The following ATG5 variants were observed in gnomAD, a reference collection of about 807,000 sequenced individuals.
The protein encoded by ATG5 is autophagy protein 5.
A neutral mutation model predicts 36.5 loss-of-function variants in ATG5; 14 were observed. The observed-to-expected ratio is 0.38, with a 90% CI of 0.25 to 0.60. ATG5 has a LOEUF of 0.60. ATG5 is among the 20% of genes least tolerant of loss of function. The probability of loss-of-function intolerance (pLI) is 0.60; values close to 1 mark genes in which losing one functional copy is unlikely to be tolerated. For missense variants in ATG5, 195 were observed against 326.7 expected (o/e 0.60, Z 3.11); for synonymous variants, 95 against 101.5 (o/e 0.94, Z 0.38).
Position 106,248,078 on chromosome 6 carries a change from T to C in ATG5, c.573+72A>G. 10 of 1,177,738 alleles carry C rather than the reference T, an allele frequency of 8.5e-6. No homozygotes were observed. In the South Asian group the frequency reaches 1.0e-4, roughly 12 times the overall value. The allele number at this position is 1,177,738 out of a possible 1,614,324, so 73.0% of individuals were successfully genotyped here. On this transcript the variant is annotated intron_variant, in intron 6 of 7. Coordinates refer to ENST00000369076, the MANE Select transcript of ATG5 (RefSeq NM_004849.4). ...TAGTTACTATGCAGACAAAGAGTTCTACACTAGAGTGCTTCAATTAAGATG... is the reference window on the plus strand; with the variant it reads ...TAGTTACTATGCAGACAAAGAGTTCCACACTAGAGTGCTTCAATTAAGATG...
intron 5 of ATG5, among the ~76,000 whole-genome samples, chr6:106,262,379 T>C (rs917754025): frequency 6.6e-6 from 1 of 152,140 alleles, no homozygotes; most frequent in Non-Finnish European, 1.5e-5. Context: ...AGGGTATATT[T>C]CTAATCAGTT....
intron 5 of ATG5, among the ~76,000 whole-genome samples, chr6:106,253,844 G>A (rs1018954947): frequency 6.6e-6 from 1 of 152,124 alleles, no homozygotes; most frequent in Non-Finnish European, 1.5e-5. Context: ...GCAACCCACT[G>A]CATCTCCTTA....
intron 6 of ATG5, among the ~76,000 whole-genome samples, chr6:106,244,877 A>G (rs2114504167): frequency 6.6e-6 from 1 of 152,356 alleles, no homozygotes; most frequent in East Asian, 1.9e-4. Flanking sequence ...GCTTCTTGAA[A>G]AACAGATATG....
chr6:106,233,003 T>C (rs539027434), intron 6 of ATG5, among the ~76,000 whole-genome samples: 89 of 152,342 alleles, frequency 5.8e-4, no homozygotes, highest in African/African-American at 2.0e-3. Flanking sequence ...AGCCCAAGAC[T>C]TGAGCCGGTT....
chr6:106,269,134 A>C (rs990561293), intron 5 of ATG5, among the ~76,000 whole-genome samples: 1 of 152,208 alleles, frequency 6.6e-6, no homozygotes, highest in East Asian at 1.9e-4. Context: ...TAGATTAGCT[A>C]GATACAAAGT....
At position 106,254,409 on chromosome 6, in the gene ATG5, G is replaced by A. The variant is rs530867618; in HGVS notation, c.479-6165C>T. Among the ~76,000 whole-genome samples, 17 of 152,208 alleles carry A rather than the reference G, an allele frequency of 1.1e-4. No individual in the cohort carries two copies. In the South Asian group the frequency reaches 3.3e-3, roughly 30 times the overall value. On this transcript the variant is annotated intron_variant, in intron 5 of 7. Transcript: ENST00000369076. Reference sequence around the variant, plus strand: ...TATCTTCAGCCCTAGAAAGTTCTACGTACTTCAGCCCTAGAAAGTTAATGT... The same window carrying A: ...TATCTTCAGCCCTAGAAAGTTCTACATACTTCAGCCCTAGAAAGTTAATGT...
chr6:106,238,010 A>G (rs1311051085), intron 6 of ATG5, among the ~76,000 whole-genome samples: 1 of 152,234 alleles, frequency 6.6e-6, no homozygotes, highest in Non-Finnish European at 1.5e-5. Flanking sequence ...TACTATCATT[A>G]CAAAAAGATG....
At chr6:106,204,130 G>T (rs1776539086) in intron 6 of ATG5, among the ~76,000 whole-genome samples, 1 of 152,128 alleles carries the variant, frequency 6.6e-6, no homozygotes, top group Non-Finnish European at 1.5e-5. Context: ...TAACGTAGAT[G>T]AGGGGCTGAT....
At chr6:106,229,120 T>C (rs1777564318) in intron 6 of ATG5, among the ~76,000 whole-genome samples, 1 of 152,256 alleles carries the variant, frequency 6.6e-6, no homozygotes, top group African/African-American at 2.4e-5. Context: ...CTGAATCTAC[T>C]TCCTCTGATC....
intron 5 of ATG5, among the ~76,000 whole-genome samples, chr6:106,253,396 T>C (rs752568191): frequency 2.0e-5 from 3 of 152,184 alleles, no homozygotes; most frequent in Non-Finnish European, 2.9e-5. Flanking sequence ...AGAAGGTTTC[T>C]ACCCAGGGAA....
chr6:106,278,022 G>A (rs749857548), intron 5 of ATG5, among the ~76,000 whole-genome samples: 10 of 152,024 alleles, frequency 6.6e-5, no homozygotes, highest in African/African-American at 1.2e-4. Context: ...ATGGCTCACT[G>A]TAACCTTGAA....
At chr6:106,313,283 T>A (rs1294401332) in intron 2 of ATG5, among the ~76,000 whole-genome samples, 1 of 152,240 alleles carries the variant, frequency 6.6e-6, no homozygotes, top group Admixed American at 6.5e-5. Flanking sequence ...ATATCATTTC[T>A]CTTTTCTTCA....
chr6:106,260,867 G>T (rs1041981524), intron 5 of ATG5, among the ~76,000 whole-genome samples: 2 of 152,178 alleles, frequency 1.3e-5, no homozygotes, highest in Admixed American at 6.5e-5. Flanking sequence ...ATCAGAACTG[G>T]TCTATACAGG....
At chr6:106,319,465 C>A (rs1436406287) in intron 1 of ATG5, among the ~76,000 whole-genome samples, 3 of 152,188 alleles carry the variant, frequency 2.0e-5, no homozygotes, top group Non-Finnish European at 2.9e-5. Context: ...AAACCTCAAT[C>A]ATTAACAAAG....
intron 1 of ATG5, 21 bp from the exon 2 acceptor site, chr6:106,316,287 A>C: frequency 9.5e-7 from 1 of 1,053,466 alleles, no homozygotes; most frequent in Non-Finnish European, 1.4e-6. Flanking sequence ...AATGAAGAGC[A>C]TTAGTCAGAT....
intron 2 of ATG5, among the ~76,000 whole-genome samples, chr6:106,313,807 T>C (rs1221578691): frequency 6.6e-6 from 1 of 152,236 alleles, no homozygotes; most frequent in African/African-American, 2.4e-5. Flanking sequence ...AATCCTCATC[T>C]GTAATTCTAA....
chr6:106,321,407 G>A (rs974202728), intron 1 of ATG5, among the ~76,000 whole-genome samples: 1 of 150,674 alleles, frequency 6.6e-6, no homozygotes, highest in South Asian at 2.1e-4. Context: ...CGCTCAGGAT[G>A]GAGTGCAGTG....
intron 1 of ATG5, among the ~76,000 whole-genome samples, chr6:106,320,239 T>C (rs1771008956): frequency 1.3e-5 from 2 of 152,218 alleles, no homozygotes; most frequent in South Asian, 2.1e-4. Context: ...GTCCATGGTA[T>C]AATTAAATGT....
At chr6:106,254,030 T>C (rs937352036) in intron 5 of ATG5, among the ~76,000 whole-genome samples, 6 of 152,218 alleles carry the variant, frequency 3.9e-5, no homozygotes, top group African/African-American at 1.4e-4. Flanking sequence ...CCTTACTAAC[T>C]TACTAAGTTA....
Sources: allele counts gnomAD v4.1 joint callset (sites outside exome capture counted in the v4.1 genomes callset), GRCh38; gene constraint gnomAD v4.1.1; transcripts MANE v1.5; gene names NCBI Gene and HGNC (gene_info 2026-07-23, HGNC 2026-07-21).